Variants in ITM2A observed in about 807,000 individuals in gnomAD.
ITM2A encodes the protein BRICHOS domain containing 2A.
In ITM2A, 11 loss-of-function variants were observed where a neutral mutation model predicts 16.6. The ratio of observed to expected loss-of-function variants is 0.66; its 90% CI spans 0.42 to 1.10. ITM2A has a LOEUF of 1.10. Among genes scored for constraint, ITM2A ranks in the 50% least tolerant of loss-of-function variants. The pLI is 0.00. For missense variants in ITM2A, 243 were observed against 206.8 expected (o/e 1.17, Z -1.07); for synonymous variants, 102 against 71.2 (o/e 1.43, Z -2.18).
intron 1 of ITM2A, among the ~76,000 whole-genome samples, chrX:79,365,479 T>A (rs1255776067): frequency 1.8e-5 from 2 of 111,383 alleles, no homozygotes; most frequent in Non-Finnish European, 3.8e-5. Context: ...TCAAATATTA[T>A]TATCAGTGTC....
chrX:79,367,164 G>A lies in ITM2A; in HGVS notation c.52C>T (p.Arg18Trp). The change falls in exon 1 of 6, where the codon CGG (arginine) becomes TGG (tryptophan). Residue 18 changes from arginine to tryptophan, a missense_variant. Transcript: ENST00000373298. ...CTCAGGAGGGCCTCCACGTCTTGCC[G>A]CGCCTCCTCCTTTTGCACGGCGGTA... ...TPTAVQKEEA[R>W]QDVEALLSRT... 1.7e-6 allele frequency: 2 copies of A among 1,209,452 alleles called. No individual in the cohort carries two copies. Among genetic ancestry groups the A allele is most frequent in the Non-Finnish European group, 1.1e-6 (1 of 894,432 alleles).
Position 79,360,850 on chromosome X carries a change from A to T in ITM2A, c.*239T>A, listed in dbSNP as rs1250240439. ...TGCTTTCAGAAATCTAAACCCTATA[A>T]ATTCAAAGAAAAAATGAAACTCATG... On this transcript the variant is annotated 3_prime_UTR_variant, in exon 6 of 6. Coordinates refer to ENST00000373298, the MANE Select transcript of ITM2A (RefSeq NM_004867.5). 1 of 231,691 alleles carries T rather than the reference A, an allele frequency of 4.3e-6. No individual in the cohort carries two copies. Among genetic ancestry groups the T allele is most frequent in the Non-Finnish European group, 7.6e-6 (1 of 130,886 alleles). 19.1% of individuals were successfully genotyped at this position (231,691 alleles called of 1,213,427 possible).
At chrX:79,361,509 G>C in intron 4 of ITM2A, 30 bp from the exon 5 acceptor site, 1 of 1,163,457 alleles carries the variant, frequency 8.6e-7, no homozygotes, top group Non-Finnish European at 1.2e-6. Flanking sequence ...ATTGAAATGA[G>C]AAATTCTTTT....
intron 1 of ITM2A, 24 bp downstream of exon 1, chrX:79,367,081 C>G (rs370393255): frequency 1.9e-6 from 2 of 1,066,894 alleles, no homozygotes; most frequent in South Asian, 3.9e-5. Flanking sequence ...CCACCCCTCC[C>G]CCATCCCGCC....
At chrX:79,362,846 T>G (rs1169798039) in intron 3 of ITM2A, 96 bp downstream of exon 3, 1 of 725,700 alleles carries the variant, frequency 1.4e-6, no homozygotes, top group Non-Finnish European at 2.1e-6. Context: ...CAAAAACATG[T>G]GCATTCATGA....
intron 3 of ITM2A, 93 bp from the exon 4 acceptor site, chrX:79,362,784 T>C (rs1267931151): frequency 8.3e-6 from 6 of 719,528 alleles, no homozygotes; most frequent in African/African-American, 2.2e-5. Context: ...CTACATCCTT[T>C]CAAAATCAAC....
At position 79,367,156 on chromosome X, in the gene ITM2A, G is replaced by A. The variant is rs775156620; in HGVS notation, c.60C>T (p.Asp20=). 12 of 1,206,706 alleles carry A rather than the reference G, an allele frequency of 9.9e-6. No individual in the cohort carries two copies. Among genetic ancestry groups the A allele is most frequent in the African/African-American group, 1.8e-5 (1 of 56,884 alleles). The change falls in exon 1 of 6, where the codon GAC becomes GAT. Residue 20 remains aspartate, a synonymous_variant. Coordinates refer to ENST00000373298, the MANE Select transcript of ITM2A (RefSeq NM_004867.5). ...TAVQKEEARQ[D]VEALLSRTVR... is the part of the protein sequence containing the mutation. Reference sequence around the variant, plus strand: ...CCGTGCGGCTCAGGAGGGCCTCCACGTCTTGCCGCGCCTCCTCCTTTTGCA... The same window carrying A: ...CCGTGCGGCTCAGGAGGGCCTCCACATCTTGCCGCGCCTCCTCCTTTTGCA...
At chrX:79,362,477 A>C in intron 4 of ITM2A, 104 bp downstream of exon 4, 1 of 440,146 alleles carries the variant, frequency 2.3e-6, no homozygotes, top group Non-Finnish European at 3.9e-6. Flanking sequence ...AAATTATTTC[A>C]ATAAAATAAA....
intron 1 of ITM2A, among the ~76,000 whole-genome samples, chrX:79,365,960 C>G (rs1330680479): frequency 8.9e-6 from 1 of 112,318 alleles, no homozygotes; most frequent in African/African-American, 3.2e-5. Context: ...ACTTTTACTA[C>G]ATGGATTCTC....
intron 3 of ITM2A, 41 bp downstream of exon 3, chrX:79,362,901 G>GAA: frequency 9.7e-7 from 1 of 1,027,469 alleles, no homozygotes; most frequent in East Asian, 3.1e-5. Context: ...GAGAGAGAGA[G>GAA]AAAAAAAATC....
rs1254233594 is a variant in ITM2A at position 79,360,481 on chromosome X, C to G, written c.*608G>C. 3 of 111,600 alleles carry G rather than the reference C, an allele frequency of 2.7e-5. No individual in the cohort carries two copies. The highest frequency in any genetic ancestry group is 9.6e-5 in the Admixed American group (1 of 10,456). 9.2% of individuals were successfully genotyped at this position (111,600 alleles called of 1,213,427 possible). Reference sequence around the variant, plus strand: ...ACACAATTTTGTGCATTCCACAATACAGATAGTAGTGAGAAAGAATCACTG... The same window carrying G: ...ACACAATTTTGTGCATTCCACAATAGAGATAGTAGTGAGAAAGAATCACTG... On this transcript the variant is annotated 3_prime_UTR_variant, in exon 6 of 6. Coordinates refer to ENST00000373298, the MANE Select transcript of ITM2A (RefSeq NM_004867.5).
intron 1 of ITM2A, 21 bp downstream of exon 1, chrX:79,367,084 A>T (rs1925601503): frequency 1.0e-6 from 1 of 989,798 alleles, no homozygotes; most frequent in South Asian, 2.0e-5. Context: ...CCCCTCCCCC[A>T]TCCCGCCCTG....
chrX:79,365,088 T>C (rs1925533565), intron 1 of ITM2A, among the ~76,000 whole-genome samples: 1 of 111,868 alleles, frequency 8.9e-6, no homozygotes, highest in Admixed American at 9.4e-5. Flanking sequence ...ATGAGTTTCA[T>C]AAAGATAAAG....
chrX:79,361,316 A>G lies in ITM2A; in HGVS notation c.703+13T>C. 1 of 1,201,238 alleles carries G rather than the reference A, an allele frequency of 8.3e-7. No homozygotes were observed. Among genetic ancestry groups the G allele is most frequent in the Non-Finnish European group, 1.1e-6 (1 of 887,014 alleles). On this transcript the variant is annotated intron_variant, in intron 5 of 5. Transcript: ENST00000373298. Reference sequence around the variant, plus strand: ...TAACACAGGGTGAAGGAAGGAATACATTAGTTACTTACCCAGCAAGAGGTC... The same window carrying G: ...TAACACAGGGTGAAGGAAGGAATACGTTAGTTACTTACCCAGCAAGAGGTC...
At position 79,360,946 on chromosome X, in the gene ITM2A, G is replaced by C. The variant is rs1164372892; in HGVS notation, c.*143C>G. 3.7e-6 allele frequency: 1 copy of C among 270,594 alleles called. No individual in the cohort carries two copies. Among genetic ancestry groups the C allele is most frequent in the Non-Finnish European group, 6.5e-6 (1 of 154,639 alleles). 22.3% of individuals were successfully genotyped at this position (270,594 alleles called of 1,213,427 possible). A position where few individuals can be genotyped will look rare whatever the true frequency, so the allele number is the denominator to read the frequency against. On this transcript the variant is annotated 3_prime_UTR_variant, in exon 6 of 6. Transcript: ENST00000373298. ...TGACAAGAGCTTGCAGTGGTTAGTA[G>C]TTTTTTTTTTTCCTTTTTTTAAAGC...
Sources: gnomAD v4.1 joint callset for allele counts (sites outside exome capture counted in the v4.1 genomes callset) on GRCh38, gnomAD v4.1.1 for gene constraint, MANE v1.5 for transcripts, NCBI Gene and HGNC (gene_info 2026-07-23, HGNC 2026-07-21) for gene names.